DLGAP1: variants seen among roughly 807,000 people sequenced by gnomAD.
DLGAP1 encodes the protein disks large-associated protein 1.
DLGAP1 carries 11 observed loss-of-function variants against 90.8 expected under a neutral mutation model. The observed-to-expected ratio is 0.12, with a 90% CI of 0.08 to 0.20. The LOEUF (loss-of-function observed/expected upper bound fraction) is 0.20, where lower values mean the gene tolerates loss of function less well. Among genes scored for constraint, DLGAP1 ranks in the 10% least tolerant of loss-of-function variants. DLGAP1 has a pLI of 1.00. For synonymous variants in DLGAP1, 558 were observed against 540.7 expected (o/e 1.03, Z -0.44); for missense variants, 1,050 against 1,333.8 (o/e 0.79, Z 3.31).
intron 1 of DLGAP1, among the ~76,000 whole-genome samples, chr18:4,287,529 T>C (rs533208494): frequency 6.6e-6 from 1 of 152,304 alleles, no homozygotes; most frequent in South Asian, 2.1e-4. Context: ...AAGAATGAGT[T>C]CATGTCCTTT....
chr18:4,083,546 G>A (rs2075641987), intron 2 of DLGAP1, among the ~76,000 whole-genome samples: 1 of 152,084 alleles, frequency 6.6e-6, no homozygotes. Flanking sequence ...GAATCATAGT[G>A]AAGCCATTCT....
intron 1 of DLGAP1, among the ~76,000 whole-genome samples, chr18:4,283,725 T>C (rs1250011011): frequency 3.9e-5 from 6 of 152,218 alleles, no homozygotes; most frequent in African/African-American, 1.4e-4. Flanking sequence ...ATAAAATTCA[T>C]AGACAGATTT....
intron 7 of DLGAP1, among the ~76,000 whole-genome samples, chr18:3,630,183 G>A (rs2058473396): frequency 6.6e-6 from 1 of 152,148 alleles, no homozygotes; most frequent in Admixed American, 6.5e-5. Flanking sequence ...TCCCCAGTGT[G>A]GTTGGGCCTC....
At chr18:3,861,276 T>C (rs548568681) in intron 4 of DLGAP1, among the ~76,000 whole-genome samples, 1 of 152,342 alleles carries the variant, frequency 6.6e-6, no homozygotes, top group East Asian at 1.9e-4. Flanking sequence ...ATAATAATTC[T>C]TTAAAAACTT....
At chr18:4,206,330 AG>A (rs2077719379) in intron 1 of DLGAP1, among the ~76,000 whole-genome samples, 1 of 152,114 alleles carries the variant, frequency 6.6e-6, no homozygotes, top group African/African-American at 2.4e-5. Flanking sequence ...AAGAAAGGAG[AG>A]TTGAGGTTGA....
chr18:3,501,183 G>T (rs1466610869), intron 12 of DLGAP1, among the ~76,000 whole-genome samples: 2 of 150,724 alleles, frequency 1.3e-5, no homozygotes, highest in African/African-American at 2.4e-5. Flanking sequence ...CTCCCAAAGT[G>T]CTGGGATTAC....
intron 1 of DLGAP1, among the ~76,000 whole-genome samples, chr18:4,237,569 C>T (rs1021899889): frequency 3.3e-5 from 5 of 152,104 alleles, no homozygotes; most frequent in Admixed American, 6.6e-5. Flanking sequence ...ACTGACTCTG[C>T]GGCCCTCTCT....
rs1171247049 is a variant in DLGAP1, at chr18:4,085,372, CTTTTCAGCAAAACCTGCTTAAG to C, written c.-159+65786_-159+65807del. ...ATATCTTCACTGAGGAATCTGCTTCCTTTTCAGCAAAACCTGCTTAAGTTTTCAGCAAAACCTGCTTAAGTCA... is the reference window on the plus strand; with the variant it reads ...ATATCTTCACTGAGGAATCTGCTTCCTTTTCAGCAAAACCTGCTTAAGTCA... On this transcript the variant is annotated intron_variant, in intron 2 of 12. Transcript: ENST00000315677. 2.9e-4 allele frequency among the ~76,000 whole-genome samples: 44 copies of C among 152,306 alleles called. No individual in the cohort carries two copies. The East Asian group carries it at 6.8e-3, about 23-fold the overall frequency.
At chr18:4,100,476 C>G (rs1362279248) in intron 2 of DLGAP1, among the ~76,000 whole-genome samples, 1 of 152,162 alleles carries the variant, frequency 6.6e-6, no homozygotes, top group South Asian at 2.1e-4. Flanking sequence ...ACAGGAAAAG[C>G]AGATTTAGCC....
chr18:4,292,988 G>A (rs892085787), intron 1 of DLGAP1, among the ~76,000 whole-genome samples: 1 of 152,170 alleles, frequency 6.6e-6, no homozygotes, highest in Non-Finnish European at 1.5e-5. Flanking sequence ...TTGAAAGGTT[G>A]ACATTTACTT....
chr18:3,638,806 T>C (rs1035215589), intron 7 of DLGAP1, among the ~76,000 whole-genome samples: 3 of 152,246 alleles, frequency 2.0e-5, no homozygotes, highest in Non-Finnish European at 2.9e-5. Flanking sequence ...CCATTAGTAT[T>C]TGATTCCTAC....
chr18:3,956,593 C>A (rs1309522979), intron 3 of DLGAP1, among the ~76,000 whole-genome samples: 1 of 152,174 alleles, frequency 6.6e-6, no homozygotes, highest in African/African-American at 2.4e-5. Context: ...CGTGATCCAC[C>A]CGCCTTGGCC....
chr18:4,233,674 C>G (rs1242928032), intron 1 of DLGAP1, among the ~76,000 whole-genome samples: 1 of 152,226 alleles, frequency 6.6e-6, no homozygotes, highest in Non-Finnish European at 1.5e-5. Flanking sequence ...TTAAGCTTCA[C>G]CTCCTGGAGG....
chr18:4,018,519 G>A (rs898801649), intron 2 of DLGAP1, among the ~76,000 whole-genome samples: 4 of 152,216 alleles, frequency 2.6e-5, no homozygotes, highest in Non-Finnish European at 5.9e-5. Context: ...TATCTGGGTC[G>A]CCAACTACAG....
chr18:3,951,657 T>A (rs1170917629), intron 3 of DLGAP1, among the ~76,000 whole-genome samples: 1 of 152,188 alleles, frequency 6.6e-6, no homozygotes, highest in Admixed American at 6.5e-5. Flanking sequence ...TTGTAATTCC[T>A]ACGTGTTGGG....
chr18:4,235,111 C>G (rs1014121442), intron 1 of DLGAP1, among the ~76,000 whole-genome samples: 1 of 152,034 alleles, frequency 6.6e-6, no homozygotes, highest in African/African-American at 2.4e-5. Context: ...CTTCGAACAC[C>G]CTACTCAAAC....
At chr18:4,174,275 C>T (rs1425323889) in intron 1 of DLGAP1, among the ~76,000 whole-genome samples, 3 of 152,120 alleles carry the variant, frequency 2.0e-5, no homozygotes, top group African/African-American at 7.2e-5. Context: ...GGGGATAACA[C>T]CTGCCCTGAG....
intron 1 of DLGAP1, among the ~76,000 whole-genome samples, chr18:4,429,362 A>G (rs2083229528): frequency 6.6e-6 from 1 of 152,226 alleles, no homozygotes; most frequent in East Asian, 1.9e-4. Flanking sequence ...TAACAAAAGC[A>G]TTACAGATTT....
intron 1 of DLGAP1, among the ~76,000 whole-genome samples, chr18:4,334,787 T>G (rs1219795746): frequency 6.6e-6 from 1 of 151,912 alleles, no homozygotes; most frequent in Non-Finnish European, 1.5e-5. Context: ...GTTTTAAGAA[T>G]GATTTTAAAT....
Sources: allele counts gnomAD v4.1 joint callset (sites outside exome capture counted in the v4.1 genomes callset), GRCh38; gene constraint gnomAD v4.1.1; transcripts MANE v1.5; gene names NCBI Gene and HGNC (gene_info 2026-07-23, HGNC 2026-07-21).